Variants in ETNK2 observed in about 807,000 individuals in gnomAD.
ETNK2 encodes ethanolamine kinase 2.
Under a neutral mutation model 46.2 loss-of-function variants are expected in ETNK2, and 33 were observed. The ratio of observed to expected loss-of-function variants is 0.71; its 90% CI spans 0.54 to 0.96. The LOEUF is 0.96. Among genes scored for constraint, ETNK2 ranks in the 40% least tolerant of loss-of-function variants. The pLI is 0.00. For missense variants in ETNK2, 445 were observed against 509.7 expected, an observed-to-expected ratio of 0.87 and a Z score of 1.22; for synonymous variants, 194 against 209.0, an observed-to-expected ratio of 0.93 and a Z score of 0.62.
chr1:204,151,680 A>G lies in ETNK2; in HGVS notation c.173T>C (p.Val58Ala). The G allele has an allele frequency of 6.5e-7, 1 of 1,547,588 alleles. No individual in the cohort carries two copies. Among genetic ancestry groups the G allele is most frequent in the South Asian group, 1.2e-5 (1 of 83,818 alleles). Reference protein sequence around the residue: ...AAAVAYFGISVDPDDILPGAL... With the variant: ...AAAVAYFGISADPDDILPGAL... ...CCCGGGAAGGATGTCGTCCGGGTCC[A>G]CGGAAATGCCGAAGTACGCGACGGC... Residue 58 changes from valine to alanine, a missense_variant, in exon 1 of 8, where the codon GTG (valine) becomes GCG (alanine). Val to Ala is a moderately conservative substitution (Grantham distance 64, BLOSUM62 0). Transcript: ENST00000367202. The surrounding 1 kb of genome is among the most constrained non-coding windows in gnomAD (Gnocchi z 8.0).
rs1449311699 is a variant in ETNK2 at position 204,151,802 on chromosome 1, C to T, written c.51G>A (p.Arg17=). The T allele has an allele frequency of 3.3e-6, 5 of 1,493,720 alleles. No individual in the cohort carries two copies. Among genetic ancestry groups the T allele is most frequent in the Non-Finnish European group, 4.4e-6 (5 of 1,124,876 alleles). The allele number at this position is 1,493,720 out of a possible 1,614,324, so 92.5% of individuals were successfully genotyped here. Residue 17 remains arginine, a synonymous_variant, in exon 1 of 8, where the codon AGG becomes AGA. Transcript: ENST00000367202. The surrounding 1 kb of genome is among the most constrained non-coding windows in gnomAD (Gnocchi z 8.0). ...AGCACTGCGGGCAAGGCGTGTGCCT[C>T]CTCAGGTGAAAGGACGCGCGCGGCT... ...APQPRASFHL[R]RHTPCPQCSW... is the part of the protein sequence containing the mutation.
rs767695300 is a variant in ETNK2 at position 204,141,415 on chromosome 1, C to T, written c.684G>A (p.Glu228=). ...DVPKVEVLER[E]LAWLKEHLSQ... Reference sequence around the variant, plus strand: ...ACAGATGCTCCTTCAGCCAGGCCAGCTCCCGTTCCAACACCTCTACCTTAG... The same window carrying T: ...ACAGATGCTCCTTCAGCCAGGCCAGTTCCCGTTCCAACACCTCTACCTTAG... The change falls in exon 4 of 8, where the codon GAG becomes GAA. Residue 228 remains glutamate (E), a synonymous_variant. Coordinates refer to ENST00000367202, the MANE Select transcript of ETNK2 (RefSeq NM_018208.4). 2 of 1,611,306 alleles carry T rather than the reference C, an allele frequency of 1.2e-6. No individual in the cohort carries two copies. Among genetic ancestry groups the T allele is most frequent in the Non-Finnish European group, 1.7e-6 (2 of 1,178,574 alleles).
Position 204,131,094 on chromosome 1 carries a change from A to G in ETNK2, c.*1090T>C, listed in dbSNP as rs906557943. The G allele has an allele frequency of 6.5e-6, 1 of 152,698 alleles. No homozygotes were observed. The highest frequency in any genetic ancestry group is 2.4e-5 in the African/African-American group (1 of 41,462). The allele number at this position is 152,698 out of a possible 1,614,324, so 9.5% of individuals were successfully genotyped here. On this transcript the variant is annotated 3_prime_UTR_variant, in exon 8 of 8. Transcript: ENST00000367202. This position sits in a 1 kb window ranked among gnomAD's most constrained non-coding sequence, Gnocchi z 4.3. ...ATGAGCATTTTAATGCAGAAAGAAA[A>G]CCATGATAATTTACAAATGAATCAC...
rs756406936 is a variant in ETNK2 at position 204,151,703 on chromosome 1, G to A, written c.150C>T (p.Ala50=). Residue 50 remains alanine, a synonymous_variant, in exon 1 of 8, where the codon GCC becomes GCT. Coordinates refer to ENST00000367202, the MANE Select transcript of ETNK2 (RefSeq NM_018208.4). The surrounding 1 kb of genome is among the most constrained non-coding windows in gnomAD (Gnocchi z 8.0). Reference sequence around the variant, plus strand: ...CCACGGAAATGCCGAAGTACGCGACGGCGGCGGCCCTCGGGGGGCCCGGCG... The same window carrying A: ...CCACGGAAATGCCGAAGTACGCGACAGCGGCGGCCCTCGGGGGGCCCGGCG... The part of the protein sequence containing the change: ...REPPGPPRAA[A]VAYFGISVDP... 1 of 1,545,288 alleles carries A rather than the reference G, an allele frequency of 6.5e-7. No homozygotes were observed. The highest frequency in any genetic ancestry group is 2.5e-5 in the East Asian group (1 of 40,670).
At chr1:204,147,500 G>A (rs74139468) in intron 2 of ETNK2, 6 of 533,240 alleles carry the variant, frequency 1.1e-5, no homozygotes, top group Admixed American at 1.9e-5. Flanking sequence ...CCCATCGCCC[G>A]AGGCCCTGTG....
In ETNK2 at chr1:204,151,784, C is replaced by T. The variant is rs1283496552; in HGVS notation, c.69G>A (p.Pro23=). 3 of 1,505,438 alleles carry T rather than the reference C, an allele frequency of 2.0e-6. No homozygotes were observed. The highest frequency in any genetic ancestry group is 1.8e-6 in the Non-Finnish European group (2 of 1,130,028). 93.3% of individuals were successfully genotyped at this position (1,505,438 alleles called of 1,614,324 possible). A position where few individuals can be genotyped will look rare whatever the true frequency, so the allele number is the denominator to read the frequency against. The change falls in exon 1 of 8, where the codon CCG becomes CCA. Residue 23 remains proline (P), a synonymous_variant. Transcript: ENST00000367202. This position sits in a 1 kb window ranked among gnomAD's most constrained non-coding sequence, Gnocchi z 8.0. Reference sequence around the variant, plus strand: ...TCTCCTCCATGCCCCATGAGCACTGCGGGCAAGGCGTGTGCCTCCTCAGGT... The same window carrying T: ...TCTCCTCCATGCCCCATGAGCACTGTGGGCAAGGCGTGTGCCTCCTCAGGT... ...SFHLRRHTPC[P]QCSWGMEEKA...
chr1:204,137,497 GT>G (rs1251059436), intron 5 of ETNK2, among the ~76,000 whole-genome samples: 1 of 152,180 alleles, frequency 6.6e-6, no homozygotes, highest in Non-Finnish European at 1.5e-5. Context: ...AGGTAGACTG[GT>G]TAAGGGGCAA....
intron 3 of ETNK2, 144 bp downstream of exon 3, chr1:204,146,498 G>A (rs1657786379): frequency 2.1e-6 from 2 of 936,170 alleles, no homozygotes. Context: ...TACCGACTAG[G>A]ACTGAAGGGA....
At position 204,151,156 on chromosome 1, in the gene ETNK2, T is replaced by G. The variant is rs1367985625; in HGVS notation, c.258+439A>C. ...GGGGCAGCTCAGAGCCTGGAGGATTTGCTCCCACCATGGGGTGGAGAAGGG... is the reference window on the plus strand; with the variant it reads ...GGGGCAGCTCAGAGCCTGGAGGATTGGCTCCCACCATGGGGTGGAGAAGGG... On this transcript the variant is annotated intron_variant, in intron 1 of 7. Coordinates refer to ENST00000367202, the MANE Select transcript of ETNK2 (RefSeq NM_018208.4). This position sits in a 1 kb window ranked among gnomAD's most constrained non-coding sequence, Gnocchi z 8.0. The G allele has an allele frequency of 4.5e-6, 1 of 220,924 alleles. No individual in the cohort carries two copies. The highest frequency in any genetic ancestry group is 2.5e-5 in the African/African-American group (1 of 39,602). The allele number at this position is 220,924 out of a possible 1,614,324, so 13.7% of individuals were successfully genotyped here.
rs759386699 is a variant in ETNK2 at position 204,140,027 on chromosome 1, CCT to C, written c.868+6_868+7del. ...CAAAGCACATGACTGTAGAAATGCC[CCT>C]CTCACCTGCAAACTCATTGAAATGG... On this transcript the variant is annotated splice_donor_region_variant and intron_variant, in intron 5 of 7. Transcript: ENST00000367202. 1.1e-4 allele frequency: 173 copies of C among 1,612,784 alleles called. No individual in the cohort carries two copies. The East Asian group carries it at 3.8e-3, about 35-fold the overall frequency.
rs866567199 is a variant in ETNK2, at chr1:204,151,967, G to C, written c.-115C>G. 3.6e-6 allele frequency: 4 copies of C among 1,098,776 alleles called. No homozygotes were observed. In the African/African-American group the frequency reaches 4.9e-5, roughly 13 times the overall value. The allele number at this position is 1,098,776 out of a possible 1,614,324, so 68.1% of individuals were successfully genotyped here. A position where few individuals can be genotyped will look rare whatever the true frequency, so the allele number is the denominator to read the frequency against. On this transcript the variant is annotated 5_prime_UTR_variant, in exon 1 of 8. Transcript: ENST00000367202. The surrounding 1 kb of genome is among the most constrained non-coding windows in gnomAD (Gnocchi z 8.0). Reference sequence around the variant, plus strand: ...CAGGGGAAGTCCATGACTCAGGCGCGAGCTGCCCGCTTCGATCGCCGGCTC... The same window carrying C: ...CAGGGGAAGTCCATGACTCAGGCGCCAGCTGCCCGCTTCGATCGCCGGCTC...
In ETNK2 at chr1:204,141,419, C is replaced by G. The variant is rs3737657; in HGVS notation, c.680G>C (p.Arg227Pro). ...ATGCTCCTTCAGCCAGGCCAGCTCC[C>G]GTTCCAACACCTCTACCTTAGGGAC... ...ADVPKVEVLE[R>P]ELAWLKEHLS... The change falls in exon 4 of 8, where the codon CGG (arginine) becomes CCG (proline). Residue 227 changes from arginine to proline, a missense_variant. Coordinates refer to ENST00000367202, the MANE Select transcript of ETNK2 (RefSeq NM_018208.4). 1 of 1,609,374 alleles carries G rather than the reference C, an allele frequency of 6.2e-7. No individual in the cohort carries two copies. The highest frequency in any genetic ancestry group is 8.5e-7 in the Non-Finnish European group (1 of 1,177,766).
rs182649042 is a variant in ETNK2, at chr1:204,143,162, G to A, written c.642-1705C>T. On this transcript the variant is annotated intron_variant, in intron 3 of 7. Transcript: ENST00000367202. ...ATGCTTCCTGGAGTTTATCTGTGCC[G>A]ACAGGTCTGCGTAAGATGTGTTTCA... 2.8e-3 allele frequency among the ~76,000 whole-genome samples: 426 copies of A among 152,112 alleles called. 5 individuals are homozygous for A. Among genetic ancestry groups the A allele is most frequent in the Admixed American group, 4.3e-3 (66 of 15,292 alleles).
Position 204,149,823 on chromosome 1 carries a change from A to G in ETNK2, c.398T>C (p.Leu133Pro). Reference sequence around the variant, plus strand: ...GGGGGCACAGCTGTGTGCTCGCAGCAGCTGGAAGTTTCTGACCTCATTCTC... The same window carrying G: ...GGGGGCACAGCTGTGTGCTCGCAGCGGCTGGAAGTTTCTGACCTCATTCTC... ...DRENEVRNFQ[L>P]LRAHSCAPKL... The change falls in exon 2 of 8, where the codon CTG becomes CCG. Residue 133 changes from leucine to proline, a missense_variant. By Grantham distance (98) the Leu-to-Pro change is moderately conservative (BLOSUM62 -3). Transcript: ENST00000367202. 6.2e-7 allele frequency: 1 copy of G among 1,607,256 alleles called. No individual in the cohort carries two copies. Among genetic ancestry groups the G allele is most frequent in the Non-Finnish European group, 8.5e-7 (1 of 1,177,046 alleles).
At chr1:204,137,856 A>G (rs1657350833) in intron 5 of ETNK2, among the ~76,000 whole-genome samples, 1 of 152,170 alleles carries the variant, frequency 6.6e-6, no homozygotes, top group Admixed American at 6.5e-5. Context: ...CCCATGGATC[A>G]GATGGCTCTG....
intron 4 of ETNK2, 61 bp from the exon 5 acceptor site, chr1:204,140,179 C>A: frequency 7.1e-7 from 1 of 1,407,878 alleles, no homozygotes; most frequent in South Asian, 1.2e-5. Context: ...AGAGCCTGGT[C>A]AAGCTTCCAC....
intron 5 of ETNK2, among the ~76,000 whole-genome samples, chr1:204,139,828 TTACTA>T (rs1225172648): frequency 6.6e-6 from 1 of 152,202 alleles, no homozygotes; most frequent in Admixed American, 6.5e-5. Flanking sequence ...GTACAGCATG[TTACTA>T]TACTGAATAC....
Position 204,151,330 on chromosome 1 carries a change from G to A in ETNK2, c.258+265C>T, listed in dbSNP as rs1478637135. The A allele has an allele frequency of 1.8e-5, 10 of 557,498 alleles. No homozygotes were observed. In the South Asian group the frequency reaches 2.1e-4, roughly 12 times the overall value. 34.5% of individuals were successfully genotyped at this position (557,498 alleles called of 1,614,324 possible). On this transcript the variant is annotated intron_variant, in intron 1 of 7. Transcript: ENST00000367202. This position sits in a 1 kb window ranked among gnomAD's most constrained non-coding sequence, Gnocchi z 8.0. ...GCGACAGGGGGTGCGGCCCGCACAC[G>A]CAGCATGCCGACAGTGGGCAGGTGG...
At position 204,131,760 on chromosome 1, in the gene ETNK2, G is replaced by T. The variant is rs1408523755; in HGVS notation, c.*424C>A. ...AGCACCTCCCACATGGGGCATGCAG[G>T]GGGAGACGGACTGGAGGCTCAGGGC... On this transcript the variant is annotated 3_prime_UTR_variant, in exon 8 of 8. Coordinates refer to ENST00000367202, the MANE Select transcript of ETNK2 (RefSeq NM_018208.4). The surrounding 1 kb of genome is among the most constrained non-coding windows in gnomAD (Gnocchi z 4.3). 2 of 206,600 alleles carry T rather than the reference G, an allele frequency of 9.7e-6. No homozygotes were observed. Among genetic ancestry groups the T allele is most frequent in the South Asian group, 9.9e-5 (1 of 10,102 alleles). 12.8% of individuals were successfully genotyped at this position (206,600 alleles called of 1,614,324 possible).
Sources: gnomAD v4.1 joint callset for allele counts (sites outside exome capture counted in the v4.1 genomes callset) on GRCh38, gnomAD v4.1.1 for gene constraint, Gnocchi (gnomAD v3.1) non-coding constraint, MANE v1.5 for transcripts, NCBI Gene and HGNC (gene_info 2026-07-23, HGNC 2026-07-21) for gene names.